MICAL3: variants seen among roughly 807,000 people sequenced by gnomAD.
MICAL3 encodes [F-actin]-monooxygenase MICAL3.
MICAL3 carries 62 observed loss-of-function variants against 207.4 expected under a neutral mutation model. The ratio of observed to expected loss-of-function variants is 0.30; its 90% confidence interval spans 0.24 to 0.37. The LOEUF is 0.37. Among genes scored for constraint, MICAL3 ranks in the 10% least tolerant of loss-of-function variants. The probability of loss-of-function intolerance (pLI) is 1.00; values close to 1 mark genes in which losing one functional copy is unlikely to be tolerated. For missense variants in MICAL3, 2,368 were observed against 2,635.6 expected, an observed-to-expected ratio of 0.90 and a Z score of 2.22; for synonymous variants, 1,077 against 1,069.3, an observed-to-expected ratio of 1.01 and a Z score of -0.14.
chr22:17,961,777 C>T (rs540952033), intron 1 of MICAL3, among the ~76,000 whole-genome samples: 4 of 152,184 alleles, frequency 2.6e-5, no homozygotes, highest in African/African-American at 7.2e-5. Flanking sequence ...CTAGAGTTAG[C>T]GCCCCTTCCA....
intron 29 of MICAL3, among the ~76,000 whole-genome samples, chr22:17,799,924 C>CAT (rs1569069163): frequency 1.4e-5 from 2 of 147,374 alleles, no homozygotes; most frequent in East Asian, 2.0e-4. Context: ...CACACACACA[C>CAT]GCGCGCTGGG....
chr22:17,834,095 T>C (rs111351976), intron 20 of MICAL3, among the ~76,000 whole-genome samples: 314 of 152,284 alleles, frequency 2.1e-3, no homozygotes, highest in African/African-American at 7.0e-3. Flanking sequence ...GGGTCAGAAG[T>C]GGGGCAGTCT....
chr22:17,908,011 G>A (rs764167154), intron 1 of MICAL3, among the ~76,000 whole-genome samples: 24 of 152,120 alleles, frequency 1.6e-4, no homozygotes, highest in Middle Eastern at 3.2e-3. Flanking sequence ...AGATGGCACC[G>A]CGTGTACTCC....
At chr22:17,810,935 A>G in intron 27 of MICAL3, 122 bp from the exon 28 acceptor site, 1 of 730,004 alleles carries the variant, frequency 1.4e-6, no homozygotes, top group South Asian at 1.6e-5. Flanking sequence ...ACCCGGGCAG[A>G]TAGGACAAGC....
In MICAL3 at chr22:17,790,923, G is replaced by A. The variant is rs763580717; in HGVS notation, c.5825-7C>T. The A allele has an allele frequency of 9.3e-6, 15 of 1,613,482 alleles. No individual in the cohort carries two copies. The highest frequency in any genetic ancestry group is 1.0e-5 in the Non-Finnish European group (12 of 1,179,868). On this transcript the variant is annotated splice_region_variant and splice_polypyrimidine_tract_variant and intron_variant, in intron 31 of 31. Coordinates refer to ENST00000441493, the MANE Select transcript of MICAL3 (RefSeq NM_015241.3). ...TCCTCAGTCTTAAGGTGATCTTGAA[G>A]GAGAAGAAGGCATGAGGTGAGGGGC...
At chr22:17,849,686 G>GTT (rs1925069377) in intron 19 of MICAL3, among the ~76,000 whole-genome samples, 5 of 56,188 alleles carry the variant, frequency 8.9e-5, no homozygotes, top group Admixed American at 2.2e-4. Context: ...GTGTGTGTGT[G>GTT]TATTTTTTTT....
At position 17,818,048 on chromosome 22, in the gene MICAL3, C is replaced by A. The variant is rs538353431; in HGVS notation, c.4613G>T (p.Ser1538Ile). 2 of 1,612,962 alleles carry A rather than the reference C, an allele frequency of 1.2e-6. No homozygotes were observed. The highest frequency in any genetic ancestry group is 1.3e-5 in the African/African-American group (1 of 75,024). The stretch of plus-strand genomic sequence containing the variant: ...GGGCGTGAAGAATTTCTCCTGCAGG[C>A]TTGAGTCCTCAGTCTTGTCGTCATA... Reference protein sequence around the residue: ...DTYDDKTEDSSLQEKFFTPPS... With the variant: ...DTYDDKTEDSILQEKFFTPPS... The change falls in exon 26 of 32, where the codon AGC becomes ATC. Residue 1538 changes from serine to isoleucine, a missense_variant. This residue lies in a region of MICAL3 where 1,770 missense variants were observed against 1,863.2 expected (regional missense o/e 0.95). Coordinates refer to ENST00000441493, the MANE Select transcript of MICAL3 (RefSeq NM_015241.3).
chr22:17,880,598 A>G (rs1165383379), intron 16 of MICAL3, among the ~76,000 whole-genome samples: 2 of 152,254 alleles, frequency 1.3e-5, no homozygotes, highest in African/African-American at 4.8e-5. Flanking sequence ...ATGAAGGTCA[A>G]CAATGCCATC....
chr22:17,946,317 A>G (rs964589291), intron 1 of MICAL3, among the ~76,000 whole-genome samples: 3 of 152,240 alleles, frequency 2.0e-5, no homozygotes, highest in Admixed American at 2.0e-4. Context: ...CTTGTGGACC[A>G]TATCAGAGCA....
At chr22:18,015,266 A>G (rs984064548) in intron 1 of MICAL3, among the ~76,000 whole-genome samples, 1 of 152,154 alleles carries the variant, frequency 6.6e-6, no homozygotes, top group Non-Finnish European at 1.5e-5. Context: ...AATAAAAAAC[A>G]TTCTACTTTG....
intron 1 of MICAL3, among the ~76,000 whole-genome samples, chr22:18,018,768 C>CACACACACACACA (rs1569169310): frequency 7.2e-6 from 1 of 138,166 alleles, no homozygotes; most frequent in Admixed American, 7.4e-5. Flanking sequence ...ATCTATCTAT[C>CACACACACACACA]TACACACACA....
At chr22:17,913,896 G>A (rs746065827) in intron 1 of MICAL3, among the ~76,000 whole-genome samples, 14 of 152,108 alleles carry the variant, frequency 9.2e-5, no homozygotes, top group African/African-American at 1.4e-4. Flanking sequence ...TGATGATGAC[G>A]TCAACTCACG....
At chr22:17,989,402 T>C (rs1436126492) in intron 1 of MICAL3, among the ~76,000 whole-genome samples, 1 of 152,084 alleles carries the variant, frequency 6.6e-6, no homozygotes, top group African/African-American at 2.4e-5. Context: ...TGTGTGTCTG[T>C]CTTGCCAGCT....
chr22:17,901,780 A>G (rs1175765456), intron 5 of MICAL3, 98 bp downstream of exon 5: 1 of 847,494 alleles, frequency 1.2e-6, no homozygotes, highest in Non-Finnish European at 1.8e-6. Flanking sequence ...CAGGCTCTCA[A>G]AAGGGTGGAC....
intron 1 of MICAL3, among the ~76,000 whole-genome samples, chr22:17,908,105 G>A (rs916246929): frequency 2.0e-5 from 3 of 152,114 alleles, no homozygotes; most frequent in African/African-American, 7.2e-5. Context: ...GTATTGGAAG[G>A]TGGGAGGCAA....
intron 21 of MICAL3, among the ~76,000 whole-genome samples, chr22:17,830,791 G>A (rs1173355299): frequency 3.3e-5 from 5 of 152,246 alleles, no homozygotes; most frequent in Non-Finnish European, 5.9e-5. Flanking sequence ...TAGGGAGCCC[G>A]AGGAAGTCCC....
At chr22:17,872,115 A>G in intron 16 of MICAL3, 92 bp from the exon 17 acceptor site, 1 of 1,097,028 alleles carries the variant, frequency 9.1e-7, no homozygotes, top group East Asian at 2.6e-5. Context: ...AGCAAAGCCA[A>G]CCCTCACTAA....
At chr22:17,866,582 G>A (rs60472362) in intron 17 of MICAL3, among the ~76,000 whole-genome samples, 3,719 of 131,596 alleles carry the variant, frequency 0.028, 43 homozygotes, top group African/African-American at 0.034. Context: ...TGGACTATGA[G>A]TAGGATGGAA....
At chr22:17,935,900 G>A (rs900684212) in intron 1 of MICAL3, among the ~76,000 whole-genome samples, 1 of 152,190 alleles carries the variant, frequency 6.6e-6, no homozygotes, top group African/African-American at 2.4e-5. Flanking sequence ...CAGTTAGAAT[G>A]GCAATCATTA....
Sources: gnomAD v4.1 joint callset for allele counts (sites outside exome capture counted in the v4.1 genomes callset) on GRCh38, gnomAD v4.1.1 for gene constraint, gnomAD v4.1.1 regional missense constraint, MANE v1.5 for transcripts, NCBI Gene and HGNC (gene_info 2026-07-23, HGNC 2026-07-21) for gene names.